Variants in KIAA1217 observed in about 807,000 individuals in gnomAD.
The protein encoded by KIAA1217 is sickle tail protein homolog.
KIAA1217 carries 88 observed loss-of-function variants against 163.9 expected under a neutral mutation model. That is an observed-to-expected ratio of 0.54 (90% CI 0.45 to 0.64). The LOEUF (loss-of-function observed/expected upper bound fraction) is 0.64. Among genes scored for constraint, KIAA1217 ranks in the 30% least tolerant of loss-of-function variants. The pLI, the probability that KIAA1217 is intolerant of heterozygous loss-of-function variation, is 0.00. For missense variants in KIAA1217, 2,372 were observed against 2,475.0 expected (o/e 0.96, Z 0.88); for synonymous variants, 903 against 923.1 (o/e 0.98, Z 0.39).
chr10:24,029,115 AT>A (rs989145135), intron 2 of KIAA1217, among the ~76,000 whole-genome samples: 2 of 152,110 alleles, frequency 1.3e-5, no homozygotes, highest in African/African-American at 4.8e-5. Context: ...AAGTGGATAA[AT>A]TTTTTTGTCT....
At chr10:23,969,224 C>T (rs1248799358) in intron 1 of KIAA1217, among the ~76,000 whole-genome samples, 3 of 152,076 alleles carry the variant, frequency 2.0e-5, no homozygotes, top group African/African-American at 4.8e-5. Flanking sequence ...TTAGTAGAGA[C>T]GGGGTTTCAC....
At chr10:23,988,793 A>G (rs760467816) in intron 1 of KIAA1217, among the ~76,000 whole-genome samples, 2 of 152,094 alleles carry the variant, frequency 1.3e-5, no homozygotes, top group Non-Finnish European at 2.9e-5. Context: ...AAGGCACCAT[A>G]AAATAAAATC....
intron 1 of KIAA1217, among the ~76,000 whole-genome samples, chr10:23,992,590 G>C (rs1183031728): frequency 6.7e-6 from 1 of 149,568 alleles, no homozygotes; most frequent in Non-Finnish European, 1.5e-5. Context: ...AGAAAGGCCA[G>C]AACAGGGCCA....
At chr10:24,269,164 C>G (rs970080762) in intron 2 of KIAA1217, among the ~76,000 whole-genome samples, 1 of 127,048 alleles carries the variant, frequency 7.9e-6, no homozygotes, top group African/African-American at 3.1e-5. Context: ...ACATATGTAA[C>G]TAACCTGCAC....
At chr10:24,385,214 C>A (rs946028608) in intron 3 of KIAA1217, among the ~76,000 whole-genome samples, 3 of 152,216 alleles carry the variant, frequency 2.0e-5, no homozygotes, top group African/African-American at 4.8e-5. Flanking sequence ...TTCAGTCTGC[C>A]TGTGCCTGGA....
chr10:24,339,623 T>C (rs563318721), intron 2 of KIAA1217, among the ~76,000 whole-genome samples: 5 of 152,242 alleles, frequency 3.3e-5, no homozygotes, highest in Non-Finnish European at 7.3e-5. Context: ...CCACACTTAA[T>C]TTCACAACTC....
At position 24,501,537 on chromosome 10, in the gene KIAA1217, C is replaced by T; in HGVS notation, c.1993C>T (p.Gln665Ter). ...CAGGCTCCAGCTCCAGCAGATGCGG[C>T]AGCTCCAGGTATTCCTCATGCACGG... ...ELRLQLQQMRQLQLQNQELLR... is the reference protein window; with the variant it reads ...ELRLQLQQMR The change falls in exon 9 of 21, where the codon CAG becomes TAG. Residue 665 changes from glutamine to a stop codon, truncating the protein, a stop_gained. Transcript: ENST00000376454. LOFTEE classifies it high-confidence loss of function. 6.2e-7 allele frequency: 1 copy of T among 1,612,968 alleles called. No individual in the cohort carries two copies.
At chr10:24,176,769 G>C (rs547376442) in intron 2 of KIAA1217, among the ~76,000 whole-genome samples, 2 of 152,232 alleles carry the variant, frequency 1.3e-5, no homozygotes, top group African/African-American at 4.8e-5. Flanking sequence ...TAGGCACCGC[G>C]GAGCGGGGGT....
chr10:24,265,471 T>G (rs1296051539), intron 2 of KIAA1217, among the ~76,000 whole-genome samples: 2 of 152,196 alleles, frequency 1.3e-5, no homozygotes, highest in African/African-American at 4.8e-5. Context: ...CCTCTTGGCT[T>G]GCTTTCTTAG....
At chr10:23,990,434 ATTGATG>A (rs1411438763) in intron 1 of KIAA1217, among the ~76,000 whole-genome samples, 1 of 152,072 alleles carries the variant, frequency 6.6e-6, no homozygotes, top group Non-Finnish European at 1.5e-5. Context: ...CCATTAAATT[ATTGATG>A]TTAATAATCT....
chr10:24,504,185 G>T (rs1016460824), intron 9 of KIAA1217, among the ~76,000 whole-genome samples: 1 of 152,174 alleles, frequency 6.6e-6, no homozygotes, highest in African/African-American at 2.4e-5. Flanking sequence ...AACAAAGAAG[G>T]TCTTTGGTCA....
At chr10:23,802,192 G>A (rs547970424) in intron 1 of KIAA1217, among the ~76,000 whole-genome samples, 1 of 152,142 alleles carries the variant, frequency 6.6e-6, no homozygotes, top group Admixed American at 6.6e-5. Flanking sequence ...ATATGGGACA[G>A]ACTGGGGCCC....
At chr10:23,730,751 C>G (rs1371678242) in intron 1 of KIAA1217, among the ~76,000 whole-genome samples, 1 of 151,748 alleles carries the variant, frequency 6.6e-6, no homozygotes, top group African/African-American at 2.4e-5. Context: ...TGAGGAGATG[C>G]TAATATAAAT....
At chr10:24,328,212 T>A (rs2045193730) in intron 2 of KIAA1217, among the ~76,000 whole-genome samples, 1 of 152,196 alleles carries the variant, frequency 6.6e-6, no homozygotes, top group Admixed American at 6.5e-5. Flanking sequence ...TTCATCTCCC[T>A]GTCTGACTAA....
intron 2 of KIAA1217, among the ~76,000 whole-genome samples, chr10:24,278,303 T>C (rs769021173): frequency 6.6e-6 from 1 of 152,064 alleles, no homozygotes; most frequent in African/African-American, 2.4e-5. Context: ...ACTCAGACCA[T>C]TGTGTGCAGA....
At chr10:23,999,709 A>G (rs1846655624) in intron 1 of KIAA1217, among the ~76,000 whole-genome samples, 2 of 152,310 alleles carry the variant, frequency 1.3e-5, no homozygotes, top group Non-Finnish European at 2.9e-5. Context: ...AATATTCAGT[A>G]TAGAAGGGGA....
At position 23,990,949 on chromosome 10, in the gene KIAA1217, G is replaced by A. The variant is rs1276657354; in HGVS notation, c.-320-16276G>A. ...ATCCCAAATCCTTCATTTTATGAGC[G>A]AGGGAATTGCAGGCAAGTGAGATAA... On this transcript the variant is annotated intron_variant, in intron 1 of 18. Transcript: ENST00000376462. Among the ~76,000 whole-genome samples, 6 of 152,186 alleles carry A rather than the reference G, an allele frequency of 3.9e-5. No individual in the cohort carries two copies. The South Asian group carries it at 6.2e-4, about 16-fold the overall frequency.
intron 6 of KIAA1217, among the ~76,000 whole-genome samples, chr10:24,474,452 T>A (rs571326180): frequency 6.6e-6 from 1 of 151,958 alleles, no homozygotes; most frequent in East Asian, 1.9e-4. Flanking sequence ...AAATAAGGAG[T>A]GAGTGTTTTC....
chr10:23,797,607 G>A (rs972670034), intron 1 of KIAA1217, among the ~76,000 whole-genome samples: 19 of 152,130 alleles, frequency 1.2e-4, no homozygotes, highest in African/African-American at 4.6e-4. Flanking sequence ...GGCGGAAGGT[G>A]AAGAGGAAGC....
Sources: gnomAD v4.1 joint callset for allele counts (sites outside exome capture counted in the v4.1 genomes callset) on GRCh38, gnomAD v4.1.1 for gene constraint, MANE v1.5 for transcripts, NCBI Gene and HGNC (gene_info 2026-07-23, HGNC 2026-07-21) for gene names.